Variants in DCDC2 observed in about 807,000 individuals in gnomAD.
DCDC2 encodes doublecortin domain containing 2, also known as doublecortin domain-containing protein 2.
In DCDC2, 40 loss-of-function variants were observed where a neutral mutation model predicts 50.2. The observed-to-expected ratio is 0.80, with a 90% CI of 0.62 to 1.04. The LOEUF is 1.04. Among genes scored for constraint, DCDC2 ranks in the 50% least tolerant of loss-of-function variants. DCDC2 has a pLI of 0.00. For missense variants in DCDC2, 570 were observed against 581.9 expected, an observed-to-expected ratio of 0.98 and a Z score of 0.21; for synonymous variants, 234 against 210.6, an observed-to-expected ratio of 1.11 and a Z score of -0.96.
chr6:24,271,232 G>A (rs938491276), intron 7 of DCDC2, among the ~76,000 whole-genome samples: 4 of 65,326 alleles, frequency 6.1e-5, no homozygotes, highest in Non-Finnish European at 1.1e-4. Context: ...AAAAGAGAGA[G>A]AGAGAGAGAA....
Position 24,210,019 on chromosome 6 carries a change from G to GGTGTGT in DCDC2, c.923-4923_923-4918dup, listed in dbSNP as rs71002475. 7.8e-3 allele frequency among the ~76,000 whole-genome samples: 1,140 copies of GGTGTGT among 145,230 alleles called. 11 individuals carry two copies. The highest frequency in any genetic ancestry group is 0.022 in the African/African-American group (842 of 37,980). On this transcript the variant is annotated intron_variant, in intron 7 of 9. Transcript: ENST00000378454. Reference sequence around the variant, plus strand: ...GCAGCTTTTAATGCAGCAGTATCAGGGTGTGTGTGTGTGTGTGTGTGTGTG... The same window carrying GGTGTGT: ...GCAGCTTTTAATGCAGCAGTATCAGGGTGTGTGTGTGTGTGTGTGTGTGTGTGTGTG...
chr6:24,217,340 A>G (rs914898032), intron 7 of DCDC2, among the ~76,000 whole-genome samples: 3 of 152,236 alleles, frequency 2.0e-5, no homozygotes, highest in African/African-American at 7.2e-5. Flanking sequence ...AAAGTTATTG[A>G]TCCCAATTAT....
intron 4 of DCDC2, among the ~76,000 whole-genome samples, chr6:24,293,472 C>G (rs1163301532): frequency 5.9e-5 from 9 of 152,176 alleles, no homozygotes; most frequent in African/African-American, 2.2e-4. Flanking sequence ...TCTGCCATTA[C>G]ATTAAGAATT....
At chr6:24,204,545 G>C (rs1761667324) in intron 8 of DCDC2, among the ~76,000 whole-genome samples, 1 of 152,140 alleles carries the variant, frequency 6.6e-6, no homozygotes, top group Admixed American at 6.5e-5. Context: ...TAAATGATGG[G>C]TTGATGAGTG....
intron 8 of DCDC2, among the ~76,000 whole-genome samples, chr6:24,179,931 G>A (rs1761025699): frequency 1.8e-5 from 2 of 112,396 alleles, no homozygotes; most frequent in South Asian, 7.0e-4. Flanking sequence ...TCCAGCCTGG[G>A]CGACAGAGCA....
chr6:24,301,768 A>G lies in DCDC2; in HGVS notation c.504T>C (p.His168=), dbSNP rs1443848019. The part of the protein sequence containing the change: ...IPRKTLNQWD[H]VLQMVTEKIT... ...TTTTTTCTGTGACCATTTGTAGTAC[A>G]TGATCCCACTGATTCAAGGTTTTTC... The change falls in exon 4 of 10, where the codon CAT becomes CAC. Residue 168 remains histidine (H), a synonymous_variant. Transcript: ENST00000378454. 5.0e-6 allele frequency: 8 copies of G among 1,614,072 alleles called. No homozygotes were observed. Among genetic ancestry groups the G allele is most frequent in the African/African-American group, 1.3e-5 (1 of 74,922 alleles).
chr6:24,346,925 G>A (rs1295758511), intron 2 of DCDC2, among the ~76,000 whole-genome samples: 5 of 152,064 alleles, frequency 3.3e-5, no homozygotes, highest in Admixed American at 3.3e-4. Context: ...AAACTCAGAA[G>A]AAGAGGTGGG....
intron 2 of DCDC2, among the ~76,000 whole-genome samples, chr6:24,349,488 T>C (rs16889122): frequency 0.028 from 4,218 of 152,152 alleles, 87 homozygotes; most frequent in South Asian, 0.051. Context: ...TAAGTGCTGG[T>C]AAAGGCATCA....
At chr6:24,263,685 G>C (rs1561748812) in intron 7 of DCDC2, among the ~76,000 whole-genome samples, 1 of 151,908 alleles carries the variant, frequency 6.6e-6, no homozygotes, top group Admixed American at 6.6e-5. Flanking sequence ...ACCCTCAGAG[G>C]AGACAAACAA....
intron 7 of DCDC2, among the ~76,000 whole-genome samples, chr6:24,213,172 ATATT>A (rs755618530): frequency 1.1e-4 from 16 of 152,294 alleles, no homozygotes; most frequent in Non-Finnish European, 1.8e-4. Context: ...ATATTTTAAT[ATATT>A]TAGTGTTTGA....
chr6:24,345,685 T>G (rs1412434948), intron 2 of DCDC2, among the ~76,000 whole-genome samples: 1 of 152,220 alleles, frequency 6.6e-6, no homozygotes, highest in Non-Finnish European at 1.5e-5. Context: ...GATAGCACAC[T>G]TATTCACTGA....
At chr6:24,263,687 G>C (rs1398854191) in intron 7 of DCDC2, among the ~76,000 whole-genome samples, 1 of 151,910 alleles carries the variant, frequency 6.6e-6, no homozygotes, top group Non-Finnish European at 1.5e-5. Flanking sequence ...CCTCAGAGGA[G>C]ACAAACAAAA....
chr6:24,359,311 A>T (rs1404715113), upstream of DCDC2, among the ~76,000 whole-genome samples: 30 of 76,064 alleles, frequency 3.9e-4, no homozygotes, highest in East Asian at 8.9e-4. Context: ...TATATATATT[A>T]TATATTTTAT....
At chr6:24,349,636 AGGT>A (rs1367607177) in intron 2 of DCDC2, among the ~76,000 whole-genome samples, 18 of 152,158 alleles carry the variant, frequency 1.2e-4, no homozygotes, top group South Asian at 4.1e-4. Flanking sequence ...CTGGACTGAG[AGGT>A]GGGACACGAG....
chr6:24,292,581 A>T (rs1763775056), intron 4 of DCDC2, among the ~76,000 whole-genome samples: 1 of 152,182 alleles, frequency 6.6e-6, no homozygotes, highest in Non-Finnish European at 1.5e-5. Context: ...TTTTGCCTTA[A>T]CTTAAGCTGG....
chr6:24,225,090 A>T (rs924799965), intron 7 of DCDC2, among the ~76,000 whole-genome samples: 1 of 152,000 alleles, frequency 6.6e-6, no homozygotes, highest in Non-Finnish European at 1.5e-5. Flanking sequence ...GTTTAAGTCT[A>T]CTCCCAAGTC....
the DCDC2 span, among the ~76,000 whole-genome samples, chr6:24,374,151 G>A: frequency 7.8e-6 from 1 of 127,448 alleles, no homozygotes; most frequent in Non-Finnish European, 1.6e-5. Flanking sequence ...GACAGAGTGA[G>A]ACTCCATTTC....
At chr6:24,290,898 TA>T in intron 5 of DCDC2, 33 bp downstream of exon 5, 10 of 1,580,930 alleles carry the variant, frequency 6.3e-6, no homozygotes, top group Non-Finnish European at 8.6e-6. Flanking sequence ...AAGTGGTAAC[TA>T]AAGCATGAGG....
At chr6:24,361,778 T>C (rs1760669140), upstream of DCDC2, among the ~76,000 whole-genome samples, 1 of 152,184 alleles carries the variant, frequency 6.6e-6, no homozygotes. Flanking sequence ...TCCTTCTTGA[T>C]GTGGGGACCC....
Sources: gnomAD v4.1 joint callset for allele counts (sites outside exome capture counted in the v4.1 genomes callset) on GRCh38, gnomAD v4.1.1 for gene constraint, MANE v1.5 for transcripts, NCBI Gene and HGNC (gene_info 2026-07-23, HGNC 2026-07-21) for gene names.